CSMD2: variants seen among roughly 807,000 people sequenced by gnomAD.
CSMD2 encodes the protein CUB and Sushi multiple domains 2, also known as CUB and sushi domain-containing protein 2.
CSMD2 carries 130 observed loss-of-function variants against 398.5 expected under a neutral mutation model. The observed-to-expected ratio is 0.33, with a 90% CI of 0.28 to 0.38. The LOEUF (loss-of-function observed/expected upper bound fraction) is 0.38, where lower values mean the gene tolerates loss of function less well. CSMD2 is among the 10% of genes least tolerant of loss of function. CSMD2 has a pLI of 1.00. For synonymous variants in CSMD2, 1,828 were observed against 1,908.5 expected (o/e 0.96, Z 1.10); for missense variants, 3,829 against 4,764.9 (o/e 0.80, Z 5.78).
At chr1:33,885,459 T>C (rs1346617931) in intron 5 of CSMD2, 1 of 152,172 alleles carries the variant, frequency 6.6e-6, no homozygotes, top group East Asian at 1.9e-4. Context: ...TTCAATCCGA[T>C]TTAATTCAGT....
At chr1:33,592,439 C>T in intron 44 of CSMD2, 2 of 716,388 alleles carry the variant, frequency 2.8e-6, no homozygotes, top group Non-Finnish European at 5.2e-6. Context: ...GGCTGGGGGG[C>T]AGATGTGTGC....
intron 11 of CSMD2, among the ~76,000 whole-genome samples, chr1:33,790,800 A>AT (rs1654184966): frequency 9.7e-6 from 1 of 102,926 alleles, no homozygotes; most frequent in Non-Finnish European, 2.0e-5. Context: ...TCATCTCTCT[A>AT]ATATCTATCT....
intron 4 of CSMD2, among the ~76,000 whole-genome samples, chr1:33,920,404 T>C: frequency 6.9e-6 from 1 of 145,770 alleles, no homozygotes; most frequent in South Asian, 2.2e-4. Flanking sequence ...TGGCTGGGTG[T>C]GGTGGCGCAC....
intron 12 of CSMD2, among the ~76,000 whole-genome samples, chr1:33,775,417 T>G (rs888923237): frequency 1.3e-5 from 2 of 152,196 alleles, no homozygotes; most frequent in African/African-American, 4.8e-5. Context: ...CTGAGTTTTT[T>G]TTTCCCCATC....
intron 9 of CSMD2, chr1:33,814,122 G>A (rs1557937053): frequency 1.3e-5 from 2 of 152,116 alleles, no homozygotes; most frequent in Non-Finnish European, 2.9e-5. Context: ...CTTCGGTCTT[G>A]TCTTCTGTCC....
chr1:33,801,183 C>G (rs936116614), intron 10 of CSMD2, among the ~76,000 whole-genome samples: 1 of 152,158 alleles, frequency 6.6e-6, no homozygotes, highest in Non-Finnish European at 1.5e-5. Flanking sequence ...TGCCCCCTCC[C>G]TCTCCCTCCC....
chr1:33,823,174 C>T (rs1557952492), intron 7 of CSMD2, among the ~76,000 whole-genome samples: 1 of 152,176 alleles, frequency 6.6e-6, no homozygotes, highest in South Asian at 2.1e-4. Context: ...CCTCCCCTTT[C>T]CTCAGCCAGC....
chr1:33,855,721 C>T (rs1267350495), intron 5 of CSMD2, among the ~76,000 whole-genome samples: 1 of 152,136 alleles, frequency 6.6e-6, no homozygotes, highest in Non-Finnish European at 1.5e-5. Flanking sequence ...CTGGCAGCCT[C>T]CATGCTCTAG....
At chr1:33,698,630 G>T in intron 24 of CSMD2, 123 bp downstream of exon 24, 1 of 815,292 alleles carries the variant, frequency 1.2e-6, no homozygotes, top group Non-Finnish European at 1.9e-6. Context: ...TTAACAAGAG[G>T]ATTCAGTCCA....
intron 2 of CSMD2, among the ~76,000 whole-genome samples, chr1:34,053,909 G>A (rs377020196): frequency 6.6e-6 from 1 of 152,126 alleles, no homozygotes; most frequent in Non-Finnish European, 1.5e-5. Flanking sequence ...ACTGGGAATA[G>A]GGCTCTAGCA....
intron 14 of CSMD2, 137 bp from the exon 15 acceptor site, chr1:33,739,471 G>T: frequency 1.2e-6 from 1 of 801,228 alleles, no homozygotes. Context: ...TGGCGGGAGA[G>T]CTAGGCATTC....
chr1:34,139,100 TG>T (rs1639032235), intron 1 of CSMD2, among the ~76,000 whole-genome samples: 1 of 152,214 alleles, frequency 6.6e-6, no homozygotes, highest in South Asian at 2.1e-4. Flanking sequence ...TTTGAATGTT[TG>T]TCCCATCCAA....
intron 5 of CSMD2, among the ~76,000 whole-genome samples, chr1:33,909,905 G>C (rs2125260489): frequency 6.6e-6 from 1 of 152,174 alleles, no homozygotes; most frequent in East Asian, 1.9e-4. Context: ...CTCATTTTGT[G>C]CTGGAGAGAC....
chr1:33,857,246 G>A (rs932424941), intron 5 of CSMD2, among the ~76,000 whole-genome samples: 1 of 152,070 alleles, frequency 6.6e-6, no homozygotes, highest in Non-Finnish European at 1.5e-5. Flanking sequence ...AAGGTGCCTG[G>A]CACATAGCAT....
chr1:33,550,275 A>G lies in CSMD2; in HGVS notation c.8819T>C (p.Val2940Ala), dbSNP rs772386099. The change falls in exon 56 of 71, where the codon GTG becomes GCG. Residue 2940 changes from valine to alanine, a missense_variant. Around this residue, in one of 5 missense-constraint regions of CSMD2, gnomAD observed 917 missense variants for 1,199.5 expected, o/e 0.76. Transcript: ENST00000373381. ...ACGCTTGCCGATGCAGCTGTACCGCACCACTGCTCCCACAGTATAACTGTC... is the reference window on the plus strand; with the variant it reads ...ACGCTTGCCGATGCAGCTGTACCGCGCCACTGCTCCCACAGTATAACTGTC... The part of the protein sequence containing the change: ...SGDSYTVGAV[V>A]RYSCIGKRTL... 2 of 1,614,198 alleles carry G rather than the reference A, an allele frequency of 1.2e-6. No individual in the cohort carries two copies. Among genetic ancestry groups the G allele is most frequent in the East Asian group, 4.5e-5 (2 of 44,876 alleles).
At chr1:34,103,117 C>T (rs1248510172) in intron 1 of CSMD2, among the ~76,000 whole-genome samples, 2 of 152,030 alleles carry the variant, frequency 1.3e-5, no homozygotes, top group Non-Finnish European at 2.9e-5. Context: ...TCGGCTAACT[C>T]CAGGCATTTT....
At chr1:33,541,098 C>T in intron 59 of CSMD2, 32 bp downstream of exon 59, 1 of 1,606,420 alleles carries the variant, frequency 6.2e-7, no homozygotes, top group Non-Finnish European at 8.5e-7. Flanking sequence ...TCTTCTTTGG[C>T]TCTCTGTCCA....
intron 48 of CSMD2, 92 bp from the exon 49 acceptor site, chr1:33,577,576 C>T (rs200410761): frequency 4.0e-5 from 37 of 933,976 alleles, no homozygotes; most frequent in Admixed American, 1.7e-4. Flanking sequence ...GTCTCCCCCC[C>T]ATCCCCTTGT....
chr1:33,577,473 T>C lies in CSMD2; in HGVS notation c.7399A>G (p.Ser2467Gly). 10 of 1,611,792 alleles carry C rather than the reference T, an allele frequency of 6.2e-6. No homozygotes were observed. The highest frequency in any genetic ancestry group is 5.9e-6 in the Non-Finnish European group (7 of 1,178,376). ...CCATGGAGTGGAGCCCTGGGCAGGC[T>C]GCAGTAAGGGGCTGAACAACAAGAT... ...FKIRYSAPYC[S>G]LPRAPLHGFI... Residue 2467 changes from serine (S) to glycine (G), a missense_variant, in exon 49 of 71, where the codon AGC becomes GGC. By Grantham distance (56) the Ser-to-Gly change is moderately conservative. Coordinates refer to ENST00000373381, the MANE Select transcript of CSMD2 (RefSeq NM_001281956.2).
Sources: allele counts gnomAD v4.1 joint callset (sites outside exome capture counted in the v4.1 genomes callset), GRCh38; gene constraint gnomAD v4.1.1; regional missense constraint gnomAD v4.1.1; transcripts MANE v1.5; gene names NCBI Gene and HGNC (gene_info 2026-07-23, HGNC 2026-07-21).